Variants in SLC39A11 observed in about 807,000 individuals in gnomAD.
The protein encoded by SLC39A11 is zinc transporter ZIP11.
SLC39A11 carries 33 observed loss-of-function variants against 36.1 expected under a neutral mutation model. That is an observed-to-expected ratio of 0.91 (90% confidence interval 0.69 to 1.22). The LOEUF is 1.22. SLC39A11 is among the 50% of genes most tolerant of loss of function. The probability of loss-of-function intolerance (pLI) is 0.00; values close to 1 mark genes in which losing one functional copy is unlikely to be tolerated. For synonymous variants in SLC39A11, 166 were observed against 170.3 expected (o/e 0.97, Z 0.20); for missense variants, 432 against 430.3 (o/e 1.00, Z -0.03).
intron 6 of SLC39A11, among the ~76,000 whole-genome samples, chr17:72,754,020 G>GTATATA (rs58028460): frequency 6.3e-4 from 68 of 108,326 alleles, no homozygotes; most frequent in African/African-American, 1.5e-3. Flanking sequence ...ATGTATATAT[G>GTATATA]TATATATATA....
chr17:72,657,318 C>T (rs1235826879), intron 7 of SLC39A11, among the ~76,000 whole-genome samples: 2 of 152,148 alleles, frequency 1.3e-5, no homozygotes, highest in Non-Finnish European at 1.5e-5. Flanking sequence ...CGAGATAGCG[C>T]CACCGCACTC....
intron 5 of SLC39A11, among the ~76,000 whole-genome samples, chr17:72,865,995 A>G (rs2146295964): frequency 6.6e-6 from 1 of 152,330 alleles, no homozygotes; most frequent in African/African-American, 2.4e-5. Flanking sequence ...GAGATGGACA[A>G]TATCAAGAAC....
intron 4 of SLC39A11, among the ~76,000 whole-genome samples, chr17:72,954,947 A>T (rs1293034781): frequency 1.3e-5 from 2 of 152,198 alleles, no homozygotes; most frequent in Non-Finnish European, 2.9e-5. Flanking sequence ...TTCAGGGATC[A>T]TGGGTCATAG....
chr17:72,940,296 A>G (rs1172523025), intron 5 of SLC39A11, among the ~76,000 whole-genome samples: 1 of 118,082 alleles, frequency 8.5e-6, no homozygotes, highest in Non-Finnish European at 1.8e-5. Flanking sequence ...TTTTTTTGAG[A>G]TGGAGTTTTG....
intron 7 of SLC39A11, among the ~76,000 whole-genome samples, chr17:72,713,424 G>T (rs368110990): frequency 4.6e-5 from 7 of 151,560 alleles, no homozygotes; most frequent in Non-Finnish European, 7.4e-5. Flanking sequence ...GAGTTTCCAG[G>T]GGGAGGCAGC....
At chr17:73,007,569 C>T (rs754621774) in intron 4 of SLC39A11, among the ~76,000 whole-genome samples, 3 of 152,032 alleles carry the variant, frequency 2.0e-5, no homozygotes, top group Admixed American at 1.3e-4. Context: ...AGGGAGAACA[C>T]GAGAAAAGGC....
chr17:72,788,888 G>A (rs565827731), intron 6 of SLC39A11, among the ~76,000 whole-genome samples: 7 of 152,338 alleles, frequency 4.6e-5, no homozygotes, highest in African/African-American at 1.2e-4. Flanking sequence ...CAACTGAAGC[G>A]TGACCACAGG....
At chr17:72,708,835 T>A (rs772533608) in intron 7 of SLC39A11, among the ~76,000 whole-genome samples, 1 of 152,274 alleles carries the variant, frequency 6.6e-6, no homozygotes, top group Non-Finnish European at 1.5e-5. Flanking sequence ...TTCACTTCCT[T>A]TTCACTTTTG....
chr17:72,822,663 G>C (rs1427210891), intron 6 of SLC39A11, among the ~76,000 whole-genome samples: 1 of 151,232 alleles, frequency 6.6e-6, no homozygotes, highest in East Asian at 1.9e-4. Context: ...AACAGGGAAA[G>C]AGGACAGGAG....
chr17:73,084,437 CAAAAAAAAAAA>C (rs67639617), intron 3 of SLC39A11, among the ~76,000 whole-genome samples: 58 of 61,650 alleles, frequency 9.4e-4, no homozygotes, highest in Non-Finnish European at 1.4e-3. Flanking sequence ...GGCTCTGTCT[CAAAAAAAAAAA>C]AAAAAAAAAA....
chr17:73,081,662 C>CATATATAT lies in SLC39A11; in HGVS notation c.147+3145_147+3146insATATATAT, dbSNP rs1208676067. The stretch of plus-strand genomic sequence containing the variant: ...ACACACACACACACACACACACACA[C>CATATATAT]ACACACACATATATATACACATATA... On this transcript the variant is annotated intron_variant, in intron 3 of 9. Transcript: ENST00000255559. Among the ~76,000 whole-genome samples, 126 of 76,856 alleles carry CATATATAT rather than the reference C, an allele frequency of 1.6e-3. 2 individuals are homozygous for CATATATAT. The Middle Eastern group carries it at 0.027, about 17-fold the overall frequency. 50.4% of individuals were successfully genotyped at this position (76,856 alleles called of 152,430 possible).
At chr17:73,083,687 C>T (rs1363430343) in intron 3 of SLC39A11, among the ~76,000 whole-genome samples, 1 of 148,812 alleles carries the variant, frequency 6.7e-6, no homozygotes, top group Admixed American at 6.9e-5. Flanking sequence ...AGACAAATGA[C>T]CCAGTTTCTC....
At chr17:72,906,924 T>C (rs149772589) in intron 5 of SLC39A11, among the ~76,000 whole-genome samples, 3 of 152,296 alleles carry the variant, frequency 2.0e-5, no homozygotes, top group African/African-American at 4.8e-5. Context: ...GGCCAGCTCT[T>C]GCACCGGAGA....
intron 6 of SLC39A11, among the ~76,000 whole-genome samples, chr17:72,845,143 C>A (rs1371040807): frequency 6.6e-6 from 1 of 152,194 alleles, no homozygotes; most frequent in Non-Finnish European, 1.5e-5. Context: ...TCTCCTAAGT[C>A]CCATCTCAAT....
At chr17:72,828,840 C>T (rs2078143788) in intron 6 of SLC39A11, among the ~76,000 whole-genome samples, 1 of 152,180 alleles carries the variant, frequency 6.6e-6, no homozygotes, top group African/African-American at 2.4e-5. Flanking sequence ...AAGGCTCCCA[C>T]CCTGGTGGGC....
chr17:72,905,172 CAAAAAAAAAAA>C (rs58702930), intron 5 of SLC39A11, among the ~76,000 whole-genome samples: 12 of 42,918 alleles, frequency 2.8e-4, no homozygotes, highest in Admixed American at 1.3e-3. Context: ...GACTCCATCT[CAAAAAAAAAAA>C]AAAAAAAAAA....
At chr17:72,670,052 A>G (rs2070937894) in intron 7 of SLC39A11, among the ~76,000 whole-genome samples, 1 of 151,290 alleles carries the variant, frequency 6.6e-6, no homozygotes, top group African/African-American at 2.4e-5. Flanking sequence ...ATACGTATAG[A>G]TGTATATACA....
chr17:72,654,405 G>C (rs1387723491), intron 7 of SLC39A11, among the ~76,000 whole-genome samples: 1 of 152,220 alleles, frequency 6.6e-6, no homozygotes, highest in African/African-American at 2.4e-5. Flanking sequence ...AATGCGGCCT[G>C]TTCTCGCAGC....
intron 7 of SLC39A11, among the ~76,000 whole-genome samples, chr17:72,718,001 A>G (rs1190049312): frequency 6.6e-6 from 1 of 152,198 alleles, no homozygotes; most frequent in Non-Finnish European, 1.5e-5. Flanking sequence ...GTTCTTACCA[A>G]AGTAACACTC....
Sources: allele counts gnomAD v4.1 joint callset (sites outside exome capture counted in the v4.1 genomes callset), GRCh38; gene constraint gnomAD v4.1.1; transcripts MANE v1.5; gene names NCBI Gene and HGNC (gene_info 2026-07-23, HGNC 2026-07-21).